MBOAT1: variants seen among roughly 807,000 people sequenced by gnomAD.
MBOAT1 encodes membrane-bound glycerophospholipid O-acyltransferase 1.
In MBOAT1, 67 loss-of-function variants were observed where a neutral mutation model predicts 64.4. The observed-to-expected ratio is 1.04, with a 90% CI of 0.85 to 1.27. MBOAT1 has a LOEUF of 1.27. Ranked by LOEUF, MBOAT1 falls within the 50% of genes most tolerant of loss-of-function variation. MBOAT1 has a pLI of 0.00. For missense variants in MBOAT1, 563 were observed against 604.6 expected (o/e 0.93, Z 0.72); for synonymous variants, 229 against 218.9 (o/e 1.05, Z -0.41).
intron 1 of MBOAT1, among the ~76,000 whole-genome samples, chr6:20,168,794 A>AAGGG (rs1458636749): frequency 2.2e-5 from 2 of 91,286 alleles, no homozygotes; most frequent in Non-Finnish European, 4.3e-5. Flanking sequence ...AAGGGAAGGG[A>AAGGG]AAAGGGGGGA....
intron 1 of MBOAT1, among the ~76,000 whole-genome samples, chr6:20,190,672 C>G (rs183606394): frequency 2.6e-5 from 4 of 151,820 alleles, no homozygotes; most frequent in East Asian, 1.9e-4. Flanking sequence ...ATCTTTCTAT[C>G]TTTAAGTGCC....
chr6:20,154,183 C>T (rs1761607830), intron 1 of MBOAT1, among the ~76,000 whole-genome samples: 1 of 152,196 alleles, frequency 6.6e-6, no homozygotes, highest in South Asian at 2.1e-4. Flanking sequence ...ACTTTGGACC[C>T]TTTGTAACTC....
intron 1 of MBOAT1, among the ~76,000 whole-genome samples, chr6:20,189,351 C>T (rs774619594): frequency 1.3e-5 from 2 of 152,218 alleles, no homozygotes; most frequent in Non-Finnish European, 2.9e-5. Flanking sequence ...ACCTCACACA[C>T]ATCATTTATT....
chr6:20,200,093 C>CA (rs1353381390), intron 1 of MBOAT1, among the ~76,000 whole-genome samples: 1 of 152,122 alleles, frequency 6.6e-6, no homozygotes, highest in African/African-American at 2.4e-5. Context: ...CCCTAATGGA[C>CA]AAAAAATAGA....
chr6:20,115,195 T>C (rs916165027), intron 10 of MBOAT1, 93 bp downstream of exon 10: 41 of 896,346 alleles, frequency 4.6e-5, no homozygotes, highest in Non-Finnish European at 6.7e-5. Flanking sequence ...TCAGATGACA[T>C]TGCCACAGGC....
intron 11 of MBOAT1, among the ~76,000 whole-genome samples, 156 bp from the exon 12 acceptor site, chr6:20,109,905 T>A (rs1012145233): frequency 3.7e-5 from 5 of 136,080 alleles, no homozygotes; most frequent in Non-Finnish European, 8.0e-5. Flanking sequence ...ATCAGGACTT[T>A]TTTTTTTTTT....
intron 11 of MBOAT1, among the ~76,000 whole-genome samples, chr6:20,111,550 C>G (rs1265737400): frequency 3.9e-5 from 6 of 151,990 alleles, no homozygotes; most frequent in Non-Finnish European, 8.8e-5. Flanking sequence ...CAGATCTGAG[C>G]CTTTATGCCA....
At chr6:20,127,595 C>T (rs773161683) in intron 6 of MBOAT1, among the ~76,000 whole-genome samples, 8 of 152,106 alleles carry the variant, frequency 5.3e-5, no homozygotes, top group African/African-American at 1.2e-4. Flanking sequence ...TATGGTGAAC[C>T]GTGCATGCCA....
intron 3 of MBOAT1, among the ~76,000 whole-genome samples, chr6:20,146,034 G>A (rs1023139072): frequency 2.6e-5 from 4 of 152,108 alleles, no homozygotes; most frequent in Admixed American, 6.6e-5. Flanking sequence ...GACCTTGAAC[G>A]TCCCCACCCT....
intron 1 of MBOAT1, among the ~76,000 whole-genome samples, chr6:20,171,267 C>T (rs1056369215): frequency 2.0e-5 from 3 of 151,794 alleles, no homozygotes; most frequent in Non-Finnish European, 4.4e-5. Flanking sequence ...CTGGGTGCAG[C>T]GGCTCATGCC....
In MBOAT1 at chr6:20,126,503, C is replaced by T; in HGVS notation, c.714+14G>A. ...TGGCAGCAAAACCCTATTCTCTAGA[C>T]ACTAAAAACTTACTGTGGGAGAAGG... On this transcript the variant is annotated intron_variant, in intron 7 of 12. Coordinates refer to ENST00000324607, the MANE Select transcript of MBOAT1 (RefSeq NM_001080480.3). The T allele has an allele frequency of 6.2e-7, 1 of 1,601,090 alleles. No homozygotes were observed. The highest frequency in any genetic ancestry group is 8.5e-7 in the Non-Finnish European group (1 of 1,176,430).
intron 1 of MBOAT1, 98 bp from the exon 2 acceptor site, chr6:20,152,867 C>A: frequency 7.3e-7 from 1 of 1,366,630 alleles, no homozygotes. Flanking sequence ...GAGTCTCGTT[C>A]TGTCGCCCAG....
At chr6:20,159,931 C>A (rs896144541) in intron 1 of MBOAT1, among the ~76,000 whole-genome samples, 3 of 152,218 alleles carry the variant, frequency 2.0e-5, no homozygotes, top group African/African-American at 7.2e-5. Context: ...TCATTCATGA[C>A]ATCCAGCAAT....
chr6:20,156,394 G>A (rs1193271405), intron 1 of MBOAT1, among the ~76,000 whole-genome samples: 1 of 152,226 alleles, frequency 6.6e-6, no homozygotes, highest in South Asian at 2.1e-4. Context: ...TGCCCTGTAT[G>A]TACAGACTCA....
At chr6:20,168,599 G>GAGA (rs1244703112) in intron 1 of MBOAT1, among the ~76,000 whole-genome samples, 45 of 84,604 alleles carry the variant, frequency 5.3e-4, no homozygotes, top group Non-Finnish European at 4.1e-4. Context: ...GGGAGAGAAA[G>GAGA]AGAGAAGAGA....
chr6:20,201,207 A>G (rs960626029), intron 1 of MBOAT1, among the ~76,000 whole-genome samples: 1 of 152,186 alleles, frequency 6.6e-6, no homozygotes, highest in African/African-American at 2.4e-5. Context: ...TTTTCTCATA[A>G]CACAAAGCCA....
chr6:20,146,955 G>A (rs1344257239), intron 3 of MBOAT1, among the ~76,000 whole-genome samples: 6 of 152,148 alleles, frequency 3.9e-5, no homozygotes, highest in Admixed American at 6.5e-5. Context: ...AAATTCCCAC[G>A]TGTTGTGGGA....
intron 1 of MBOAT1, among the ~76,000 whole-genome samples, chr6:20,168,284 T>A (rs922330128): frequency 1.3e-5 from 2 of 152,112 alleles, no homozygotes; most frequent in African/African-American, 4.8e-5. Flanking sequence ...GATACTATAG[T>A]GTCATGTTTC....
At chr6:20,109,088 A>G (rs1245339947) in intron 12 of MBOAT1, among the ~76,000 whole-genome samples, 4 of 152,168 alleles carry the variant, frequency 2.6e-5, no homozygotes, top group Non-Finnish European at 5.9e-5. Flanking sequence ...TCCAGCCTCA[A>G]TTCCACATAT....
Sources: allele counts gnomAD v4.1 joint callset (sites outside exome capture counted in the v4.1 genomes callset), GRCh38; gene constraint gnomAD v4.1.1; transcripts MANE v1.5; gene names NCBI Gene and HGNC (gene_info 2026-07-23, HGNC 2026-07-21).